USP10: variants seen among roughly 807,000 people sequenced by gnomAD.
USP10 encodes ubiquitin carboxyl-terminal hydrolase 10.
A neutral mutation model predicts 84.5 loss-of-function variants in USP10; 22 were observed. The observed-to-expected ratio is 0.26, with a 90% CI of 0.19 to 0.37. USP10 has a LOEUF of 0.37. Ranked by LOEUF, USP10 falls within the 10% of genes least tolerant of loss-of-function variation. The probability of loss-of-function intolerance (pLI) is 1.00; values close to 1 mark genes in which losing one functional copy is unlikely to be tolerated. For missense variants in USP10, 1,019 were observed against 998.9 expected (o/e 1.02, Z -0.27); for synonymous variants, 454 against 387.6 (o/e 1.17, Z -2.01).
rs547337688 is a variant in USP10, at chr16:84,760,260, A to C, written c.1539A>C (p.Ser513=). 1.2e-6 allele frequency: 2 copies of C among 1,606,732 alleles called. No homozygotes were observed. Among genetic ancestry groups the C allele is most frequent in the East Asian group, 2.2e-5 (1 of 44,790 alleles). ...ACAGACTCCTGACAGTTAACAAGTC[A>C]AGCCTGTCTGAAAAGGTTTGAGACT... ...YIYRLLTVNK[S]SLSEKGRQED... The change falls in exon 8 of 14, where the codon TCA becomes TCC. Residue 513 remains serine (S), a synonymous_variant. Transcript: ENST00000219473.
chr16:84,717,366 T>C (rs145615429), intron 1 of USP10, among the ~76,000 whole-genome samples: 1 of 152,226 alleles, frequency 6.6e-6, no homozygotes, highest in East Asian at 1.9e-4. Flanking sequence ...ATATGTTGAT[T>C]AAATGCCTTT....
chr16:84,710,950 G>C (rs1286398613), intron 1 of USP10, among the ~76,000 whole-genome samples: 1 of 152,194 alleles, frequency 6.6e-6, no homozygotes, highest in Non-Finnish European at 1.5e-5. Context: ...TTTGGACAAA[G>C]TGTTACATCT....
At chr16:84,747,373 A>G (rs1911354296) in intron 4 of USP10, among the ~76,000 whole-genome samples, 1 of 152,166 alleles carries the variant, frequency 6.6e-6, no homozygotes, top group African/African-American at 2.4e-5. Context: ...AATAAAACAC[A>G]TTCTTTGGGT....
intron 1 of USP10, among the ~76,000 whole-genome samples, chr16:84,707,811 A>T (rs536596885): frequency 6.6e-6 from 1 of 151,998 alleles, no homozygotes; most frequent in South Asian, 2.1e-4. Context: ...GCAGTGAGTG[A>T]CTCACGCCTG....
chr16:84,779,245 A>G lies in USP10; in HGVS notation c.*163A>G. 1.4e-6 allele frequency: 1 copy of G among 695,136 alleles called. No homozygotes were observed. The allele number at this position is 695,136 out of a possible 1,614,324, so 43.1% of individuals were successfully genotyped here. A position where few individuals can be genotyped will look rare whatever the true frequency, so the allele number is the denominator to read the frequency against. On this transcript the variant is annotated 3_prime_UTR_variant, in exon 14 of 14. Coordinates refer to ENST00000219473, the MANE Select transcript of USP10 (RefSeq NM_005153.3). ...ATGCCTTGGGGTTCGTGCACAACAC[A>G]GCTTCTGTTGACTCTAACTTCCAAA...
At chr16:84,704,842 C>G (rs930057404) in intron 1 of USP10, 79 of 1,535,612 alleles carry the variant, frequency 5.1e-5, no homozygotes, top group Non-Finnish European at 6.5e-5. Flanking sequence ...CCTGGTTGCC[C>G]TCTCCTGGAA....
At chr16:84,756,083 T>G in intron 4 of USP10, among the ~76,000 whole-genome samples, 1 of 140,032 alleles carries the variant, frequency 7.1e-6, no homozygotes, top group Admixed American at 7.1e-5. Context: ...TAAGCATCCT[T>G]CCCCACCCCC....
chr16:84,713,984 A>C (rs1906659493), intron 1 of USP10, among the ~76,000 whole-genome samples: 3 of 152,210 alleles, frequency 2.0e-5, no homozygotes. Flanking sequence ...TGCGTCTTGT[A>C]GGCTCTGCTA....
intron 4 of USP10, among the ~76,000 whole-genome samples, chr16:84,748,475 T>C (rs1023632068): frequency 6.6e-6 from 1 of 151,978 alleles, no homozygotes. Flanking sequence ...GGCTAATTTT[T>C]GTATTTTTAG....
intron 1 of USP10, among the ~76,000 whole-genome samples, chr16:84,730,889 A>T (rs1446761889): frequency 1.3e-5 from 2 of 151,906 alleles, no homozygotes; most frequent in African/African-American, 4.8e-5. Context: ...TCTTATCCTT[A>T]GGTATCTTCC....
chr16:84,750,361 C>A (rs921885204), intron 4 of USP10, among the ~76,000 whole-genome samples: 6 of 147,614 alleles, frequency 4.1e-5, no homozygotes, highest in Non-Finnish European at 5.9e-5. Context: ...GAGCCCAGAT[C>A]GTGCCACTGC....
At chr16:84,742,888 T>G (rs1007242609) in intron 3 of USP10, among the ~76,000 whole-genome samples, 2 of 152,260 alleles carry the variant, frequency 1.3e-5, no homozygotes, top group African/African-American at 4.8e-5. Context: ...TTTTATGTTC[T>G]GATAAGATTG....
At chr16:84,703,304 G>C (rs1179437461) in intron 1 of USP10, among the ~76,000 whole-genome samples, 1 of 152,186 alleles carries the variant, frequency 6.6e-6, no homozygotes, top group South Asian at 2.1e-4. Flanking sequence ...AAAAATATTT[G>C]TGATTATTGA....
chr16:84,719,322 C>G (rs1012275233), intron 1 of USP10, among the ~76,000 whole-genome samples: 4 of 152,196 alleles, frequency 2.6e-5, no homozygotes, highest in East Asian at 1.9e-4. Flanking sequence ...CTTAGTTTCT[C>G]CCACCTCCTC....
At chr16:84,738,739 C>G (rs1910249975) in intron 2 of USP10, among the ~76,000 whole-genome samples, 1 of 152,208 alleles carries the variant, frequency 6.6e-6, no homozygotes, top group Admixed American at 6.5e-5. Context: ...TCCTGTTTGT[C>G]ATAATTCTCT....
chr16:84,700,453 C>G (rs1211242481), intron 1 of USP10, among the ~76,000 whole-genome samples: 1 of 152,002 alleles, frequency 6.6e-6, no homozygotes, highest in African/African-American at 2.4e-5. Context: ...CCCGCCGCGC[C>G]GGCCGGGGGA....
chr16:84,724,495 G>A (rs1908203416), intron 1 of USP10, among the ~76,000 whole-genome samples: 1 of 152,160 alleles, frequency 6.6e-6, no homozygotes, highest in Admixed American at 6.5e-5. Flanking sequence ...GTTTCAAGGA[G>A]AGAGGCTGCC....
intron 1 of USP10, among the ~76,000 whole-genome samples, chr16:84,713,367 A>C (rs995847262): frequency 1.3e-5 from 2 of 151,444 alleles, no homozygotes; most frequent in Non-Finnish European, 2.9e-5. Flanking sequence ...TCTTACACCC[A>C]CTTTACCCAC....
At chr16:84,716,411 T>A (rs1180189090) in intron 1 of USP10, 1 of 152,178 alleles carries the variant, frequency 6.6e-6, no homozygotes, top group Non-Finnish European at 1.5e-5. Context: ...ACTTTTAAAG[T>A]TTTTTCATCT....
Sources: gnomAD v4.1 joint callset for allele counts (sites outside exome capture counted in the v4.1 genomes callset) on GRCh38, gnomAD v4.1.1 for gene constraint, MANE v1.5 for transcripts, NCBI Gene and HGNC (gene_info 2026-07-23, HGNC 2026-07-21) for gene names.